The following ZSWIM5 variants were observed in gnomAD, a reference collection of about 807,000 sequenced individuals.
ZSWIM5 encodes the protein zinc finger SWIM domain-containing protein 5.
A neutral mutation model predicts 119.6 loss-of-function variants in ZSWIM5; 55 were observed. The observed-to-expected ratio is 0.46, with a 90% CI of 0.37 to 0.58. The LOEUF (loss-of-function observed/expected upper bound fraction) is 0.58. Ranked by LOEUF, ZSWIM5 falls within the 20% of genes least tolerant of loss-of-function variation. ZSWIM5 has a pLI of 0.00. For missense variants in ZSWIM5, 1,193 were observed against 1,512.8 expected (o/e 0.79, Z 3.51); for synonymous variants, 537 against 606.9 (o/e 0.88, Z 1.69).
At chr1:45,123,219 C>T (rs544024187) in intron 1 of ZSWIM5, among the ~76,000 whole-genome samples, 24 of 151,946 alleles carry the variant, frequency 1.6e-4, no homozygotes, top group South Asian at 4.2e-4. Context: ...TAAAATCACT[C>T]GATACACCAA....
chr1:45,120,613 A>G (rs1226981944), intron 1 of ZSWIM5, among the ~76,000 whole-genome samples: 1 of 150,970 alleles, frequency 6.6e-6, no homozygotes, highest in African/African-American at 2.4e-5. Flanking sequence ...GACCACAGGT[A>G]CATGCTACCA....
rs1454814083 is a variant in ZSWIM5, at chr1:45,020,200, T to G, written c.2614-53A>C. Reference sequence around the variant, plus strand: ...GGCTATGCCTAACTGTTGTGACCTCTCCCTCCCCTTGCATTCATTTATGCG... The same window carrying G: ...GGCTATGCCTAACTGTTGTGACCTCGCCCTCCCCTTGCATTCATTTATGCG... On this transcript the variant is annotated intron_variant, in intron 12 of 13. Coordinates refer to ENST00000359600, the MANE Select transcript of ZSWIM5 (RefSeq NM_020883.2). 2.1e-6 allele frequency: 3 copies of G among 1,435,680 alleles called. No individual in the cohort carries two copies. The East Asian group carries it at 6.8e-5, about 33-fold the overall frequency. The allele number at this position is 1,435,680 out of a possible 1,614,324, so 88.9% of individuals were successfully genotyped here. A position where few individuals can be genotyped will look rare whatever the true frequency, so the allele number is the denominator to read the frequency against.
At chr1:45,132,124 T>G (rs1645660997) in intron 1 of ZSWIM5, among the ~76,000 whole-genome samples, 2 of 150,882 alleles carry the variant, frequency 1.3e-5, no homozygotes. Context: ...AATTTCACTA[T>G]GTATATATGT....
intron 1 of ZSWIM5, among the ~76,000 whole-genome samples, chr1:45,146,585 G>C (rs917641795): frequency 6.6e-6 from 1 of 151,660 alleles, no homozygotes; most frequent in Non-Finnish European, 1.5e-5. Flanking sequence ...GATTACAGGT[G>C]TACATTACCA....
At chr1:45,193,650 C>A (rs1229797792) in intron 1 of ZSWIM5, among the ~76,000 whole-genome samples, 2 of 151,978 alleles carry the variant, frequency 1.3e-5, no homozygotes, top group Non-Finnish European at 2.9e-5. Context: ...ATAAGTCAGA[C>A]TACAAAACCT....
At chr1:45,127,434 T>C (rs1202067388) in intron 1 of ZSWIM5, among the ~76,000 whole-genome samples, 2 of 151,638 alleles carry the variant, frequency 1.3e-5, no homozygotes, top group Non-Finnish European at 2.9e-5. Flanking sequence ...GGCAAGATTC[T>C]GCTCTCACTT....
intron 1 of ZSWIM5, among the ~76,000 whole-genome samples, chr1:45,091,628 C>CTCCA (rs1645364793): frequency 6.6e-6 from 1 of 152,204 alleles, no homozygotes; most frequent in Admixed American, 6.5e-5. Context: ...CACCACTGTG[C>CTCCA]TCCAGATTGA....
intron 1 of ZSWIM5, among the ~76,000 whole-genome samples, chr1:45,164,252 T>C (rs1391900883): frequency 6.6e-6 from 1 of 152,090 alleles, no homozygotes; most frequent in Non-Finnish European, 1.5e-5. Flanking sequence ...ATAAAATCCT[T>C]TACAGACAAG....
At chr1:45,150,723 C>A (rs1456481311) in intron 1 of ZSWIM5, among the ~76,000 whole-genome samples, 2 of 152,068 alleles carry the variant, frequency 1.3e-5, no homozygotes, top group Non-Finnish European at 2.9e-5. Context: ...ACATGTTTGT[C>A]TTGTCGACCA....
At chr1:45,103,592 CAGAG>C (rs1184416448) in intron 1 of ZSWIM5, among the ~76,000 whole-genome samples, 1 of 152,168 alleles carries the variant, frequency 6.6e-6, no homozygotes, top group Non-Finnish European at 1.5e-5. Flanking sequence ...TCTACAAAGA[CAGAG>C]AGTCCTGCAC....
At chr1:45,183,448 A>G (rs1307962209) in intron 1 of ZSWIM5, among the ~76,000 whole-genome samples, 1 of 152,186 alleles carries the variant, frequency 6.6e-6, no homozygotes, top group Non-Finnish European at 1.5e-5. Flanking sequence ...CAAAAAATTA[A>G]TGAATCCAGG....
At chr1:45,025,849 T>C (rs1569987534) in intron 11 of ZSWIM5, among the ~76,000 whole-genome samples, 1 of 152,212 alleles carries the variant, frequency 6.6e-6, no homozygotes, top group Non-Finnish European at 1.5e-5. Context: ...GATGGGTTTA[T>C]TGGGACATAA....
rs1245925011 is a variant in ZSWIM5 at position 45,206,067 on chromosome 1, C to T, written c.284G>A (p.Arg95His). 2 of 1,611,524 alleles carry T rather than the reference C, an allele frequency of 1.2e-6. No individual in the cohort carries two copies. The highest frequency in any genetic ancestry group is 2.7e-5 in the African/African-American group (2 of 74,772). Reference sequence around the variant, plus strand: ...CGGGAAGGACCAGTAGACGATGCGGCGCTGCACGGGCTCCGGGATCCGCTC... The same window carrying T: ...CGGGAAGGACCAGTAGACGATGCGGTGCTGCACGGGCTCCGGGATCCGCTC... ...RFERIPEPVQ[R>H]RIVYWSFPRN... Residue 95 changes from arginine (R) to histidine (H), a missense_variant, in exon 1 of 14, where the codon CGC (arginine) becomes CAC (histidine). Arg to His is a conservative substitution (Grantham distance 29, BLOSUM62 0). This residue lies in a region of ZSWIM5 where 232 missense variants were observed against 222.9 expected (regional missense o/e 1.04). Coordinates refer to ENST00000359600, the MANE Select transcript of ZSWIM5 (RefSeq NM_020883.2).
intron 11 of ZSWIM5, among the ~76,000 whole-genome samples, chr1:45,028,987 TAGAAC>T (rs1175427060): frequency 6.6e-6 from 1 of 152,142 alleles, no homozygotes; most frequent in Non-Finnish European, 1.5e-5. Context: ...GTTTGAAGAA[TAGAAC>T]AGAGATGTTT....
At chr1:45,059,274 AG>A (rs1645140155) in intron 3 of ZSWIM5, among the ~76,000 whole-genome samples, 1 of 152,250 alleles carries the variant, frequency 6.6e-6, no homozygotes, top group African/African-American at 2.4e-5. Context: ...AATAAAACGT[AG>A]GGTATCCACA....
At chr1:45,101,463 CA>C (rs1168511336) in intron 1 of ZSWIM5, among the ~76,000 whole-genome samples, 1 of 152,158 alleles carries the variant, frequency 6.6e-6, no homozygotes, top group African/African-American at 2.4e-5. Context: ...CTAGTTCAAC[CA>C]TTGTGGAAGA....
Position 45,075,384 on chromosome 1 carries a change from T to C in ZSWIM5, c.952+12497A>G, listed in dbSNP as rs193240125. 7.2e-4 allele frequency among the ~76,000 whole-genome samples: 108 copies of C among 150,442 alleles called. 3 individuals are homozygous for C. Among genetic ancestry groups the C allele is most frequent in the African/African-American group, 2.6e-3 (102 of 39,778 alleles). ...GTATTTGCTCTATATATTTGGGTGC[T>C]CCAGTGTTGGGTGTATATGTATTTA... On this transcript the variant is annotated intron_variant, in intron 2 of 13. Coordinates refer to ENST00000359600, the MANE Select transcript of ZSWIM5 (RefSeq NM_020883.2).
At chr1:45,060,607 AG>A (rs1645147268) in intron 2 of ZSWIM5, among the ~76,000 whole-genome samples, 1 of 152,182 alleles carries the variant, frequency 6.6e-6, no homozygotes, top group South Asian at 2.1e-4. Context: ...TTTTCTATGA[AG>A]TTCAAATATG....
intron 1 of ZSWIM5, among the ~76,000 whole-genome samples, chr1:45,098,934 C>T (rs1177871105): frequency 3.9e-5 from 6 of 152,148 alleles, no homozygotes; most frequent in Non-Finnish European, 8.8e-5. Flanking sequence ...TAAATGCCCA[C>T]AAGAGAAAGC....
Sources: gnomAD v4.1 joint callset for allele counts (sites outside exome capture counted in the v4.1 genomes callset) on GRCh38, gnomAD v4.1.1 for gene constraint, gnomAD v4.1.1 regional missense constraint, MANE v1.5 for transcripts, NCBI Gene and HGNC (gene_info 2026-07-23, HGNC 2026-07-21) for gene names.